Variants in PDE11A observed in about 807,000 individuals in gnomAD.
The protein encoded by PDE11A is dual 3',5'-cyclic-AMP and -GMP phosphodiesterase 11A.
A neutral mutation model predicts 100.5 loss-of-function variants in PDE11A; 100 were observed. The observed-to-expected ratio is 1.00, with a 90% CI of 0.85 to 1.18. The LOEUF (loss-of-function observed/expected upper bound fraction) is 1.18. Among genes scored for constraint, PDE11A ranks in the 50% most tolerant of loss-of-function variants. The pLI is 0.00. For synonymous variants in PDE11A, 381 were observed against 420.8 expected (o/e 0.91, Z 1.16); for missense variants, 1,141 against 1,152.6 (o/e 0.99, Z 0.15).
At chr2:177,994,087 C>T (rs918270518) in intron 2 of PDE11A, among the ~76,000 whole-genome samples, 4 of 151,958 alleles carry the variant, frequency 2.6e-5, no homozygotes, top group African/African-American at 7.2e-5. Context: ...CCCACCACCA[C>T]ATCTGACTAA....
intron 4 of PDE11A, among the ~76,000 whole-genome samples, chr2:177,883,878 T>C (rs2105708074): frequency 6.6e-6 from 1 of 152,244 alleles, no homozygotes; most frequent in Middle Eastern, 3.4e-3. Context: ...TTGATATCCA[T>C]GTGAAGAGAA....
At chr2:177,823,257 AC>A (rs1485520854) in intron 6 of PDE11A, among the ~76,000 whole-genome samples, 2 of 152,148 alleles carry the variant, frequency 1.3e-5, no homozygotes, top group Admixed American at 1.3e-4. Context: ...AATAGTCATT[AC>A]CCTTGAGCTA....
intron 10 of PDE11A, among the ~76,000 whole-genome samples, chr2:177,763,453 G>T (rs2082196762): frequency 6.6e-6 from 1 of 152,142 alleles, no homozygotes; most frequent in Non-Finnish European, 1.5e-5. Context: ...TTTCAGGAAG[G>T]CCATGAGAAC....
chr2:178,096,506 C>A (rs1286926246), intron 2 of PDE11A, among the ~76,000 whole-genome samples: 1 of 151,944 alleles, frequency 6.6e-6, no homozygotes, highest in Non-Finnish European at 1.5e-5. Context: ...GGTCGGGCTG[C>A]AAATTTTCCA....
chr2:177,985,098 C>A (rs1383102816), intron 2 of PDE11A, among the ~76,000 whole-genome samples: 2 of 152,232 alleles, frequency 1.3e-5, no homozygotes, highest in African/African-American at 4.8e-5. Context: ...ACAAATAAAT[C>A]AATTGGCATT....
intron 4 of PDE11A, among the ~76,000 whole-genome samples, chr2:177,895,834 A>G (rs573156532): frequency 6.6e-6 from 1 of 152,314 alleles, no homozygotes; most frequent in African/African-American, 2.4e-5. Context: ...ATACATATAC[A>G]TTACAAATTA....
chr2:177,849,835 G>C (rs1450740898), intron 5 of PDE11A, among the ~76,000 whole-genome samples: 1 of 151,452 alleles, frequency 6.6e-6, no homozygotes, highest in East Asian at 1.9e-4. Context: ...CAAGGAATGT[G>C]AAGGACCTCT....
chr2:177,957,910 C>CTTTTTTTTTCTTTTTTTT (rs748839068), intron 2 of PDE11A, among the ~76,000 whole-genome samples: 1 of 114,468 alleles, frequency 8.7e-6, no homozygotes. Context: ...TTTCCAATGC[C>CTTTTTTTTTCTTTTTTTT]TTTTTTTTGA....
intron 4 of PDE11A, among the ~76,000 whole-genome samples, chr2:177,883,152 C>G (rs2084372507): frequency 6.6e-6 from 1 of 151,824 alleles, no homozygotes; most frequent in Admixed American, 6.6e-5. Flanking sequence ...ACCTGTAATC[C>G]CAGCTACTCA....
chr2:177,784,220 G>A (rs891229965), intron 9 of PDE11A, among the ~76,000 whole-genome samples: 1 of 150,348 alleles, frequency 6.7e-6, no homozygotes, highest in African/African-American at 2.5e-5. Flanking sequence ...GATAAAACAG[G>A]ATGTGGTAAA....
intron 16 of PDE11A, chr2:177,675,741 G>A (rs2080763757): frequency 3.0e-6 from 2 of 674,574 alleles, no homozygotes; most frequent in African/African-American, 3.6e-5. Context: ...TCCTCTGGTG[G>A]CCCTTTTGTT....
At chr2:177,634,596 G>C (rs2105437571) in intron 19 of PDE11A, among the ~76,000 whole-genome samples, 1 of 152,134 alleles carries the variant, frequency 6.6e-6, no homozygotes, top group Non-Finnish European at 1.5e-5. Context: ...CACCGTGTTA[G>C]CCAGGGTGGT....
At chr2:177,939,305 A>AGAAGAAAGGAAGGAAAAAAG (rs1416297583) in intron 2 of PDE11A, among the ~76,000 whole-genome samples, 2 of 151,684 alleles carry the variant, frequency 1.3e-5, no homozygotes, top group Non-Finnish European at 2.9e-5. Context: ...TATTACCAAA[A>AGAAGAAAGGAAGGAAAAAAG]GAAGAAAGGA....
chr2:177,841,072 T>C (rs1034474310), intron 5 of PDE11A, among the ~76,000 whole-genome samples: 1 of 152,238 alleles, frequency 6.6e-6, no homozygotes, highest in Admixed American at 6.5e-5. Flanking sequence ...ACTATTTTCA[T>C]ATTTAATTTG....
chr2:178,064,416 AG>A (rs2087016419), intron 1 of PDE11A, among the ~76,000 whole-genome samples: 1 of 152,188 alleles, frequency 6.6e-6, no homozygotes, highest in Non-Finnish European at 1.5e-5. Context: ...GAAGAGAATA[AG>A]GGAGTCAGCT....
At chr2:177,824,097 G>A (rs1273133827) in intron 6 of PDE11A, among the ~76,000 whole-genome samples, 4 of 148,756 alleles carry the variant, frequency 2.7e-5, no homozygotes, top group Non-Finnish European at 6.0e-5. Context: ...CCCCAAAAGA[G>A]TTTTTTTTTT....
At chr2:177,928,944 A>G (rs948325099) in intron 2 of PDE11A, among the ~76,000 whole-genome samples, 6 of 152,180 alleles carry the variant, frequency 3.9e-5, no homozygotes, top group Admixed American at 3.3e-4. Flanking sequence ...TGTTCCTTAA[A>G]GTGAAGGTGT....
At chr2:177,833,739 A>T (rs537667187) in intron 6 of PDE11A, among the ~76,000 whole-genome samples, 1 of 152,216 alleles carries the variant, frequency 6.6e-6, no homozygotes, top group East Asian at 1.9e-4. Context: ...AAAAGAATTC[A>T]TTGCCAGAAT....
rs78238850 is a variant in PDE11A, at chr2:177,921,823, A to G, written c.1072-16636T>C. 7 of 152,204 alleles carry G rather than the reference A, an allele frequency of 4.6e-5. No individual in the cohort carries two copies. The East Asian group carries it at 1.3e-3, about 29-fold the overall frequency. 9.4% of individuals were successfully genotyped at this position (152,204 alleles called of 1,614,324 possible). Reference sequence around the variant, plus strand: ...TTCCTACAGCATAAAGCTAGCAACAACTTTCCACAAAAGGGATTGGGAACC... The same window carrying G: ...TTCCTACAGCATAAAGCTAGCAACAGCTTTCCACAAAAGGGATTGGGAACC... On this transcript the variant is annotated intron_variant, in intron 2 of 19. Coordinates refer to ENST00000286063, the MANE Select transcript of PDE11A (RefSeq NM_016953.4).
Sources: allele counts gnomAD v4.1 joint callset (sites outside exome capture counted in the v4.1 genomes callset), GRCh38; gene constraint gnomAD v4.1.1; transcripts MANE v1.5; gene names NCBI Gene and HGNC (gene_info 2026-07-23, HGNC 2026-07-21).